Variants in PLPPR1 observed in about 807,000 individuals in gnomAD.
PLPPR1 encodes phospholipid phosphatase-related protein type 1.
A neutral mutation model predicts 33.1 loss-of-function variants in PLPPR1; 10 were observed. That is an observed-to-expected ratio of 0.30 (90% CI 0.19 to 0.51). PLPPR1 has a LOEUF of 0.51. Among genes scored for constraint, PLPPR1 ranks in the 20% least tolerant of loss-of-function variants. The pLI is 0.97. For missense variants in PLPPR1, 304 were observed against 408.1 expected (o/e 0.74, Z 2.20); for synonymous variants, 151 against 151.0 (o/e 1.00, Z 0.00).
chr9:101,063,447 A>G (rs985506494), intron 1 of PLPPR1, among the ~76,000 whole-genome samples: 1 of 152,106 alleles, frequency 6.6e-6, no homozygotes, highest in Non-Finnish European at 1.5e-5. Context: ...GCTATTGGCC[A>G]AGATTCAGTC....
chr9:101,242,608 C>G (rs1373627697), intron 2 of PLPPR1, among the ~76,000 whole-genome samples: 1 of 151,950 alleles, frequency 6.6e-6, no homozygotes, highest in East Asian at 1.9e-4. Flanking sequence ...CAGCATCATA[C>G]CAAGTATTCT....
intron 1 of PLPPR1, among the ~76,000 whole-genome samples, chr9:101,130,648 C>G (rs1475838248): frequency 6.6e-6 from 1 of 152,136 alleles, no homozygotes; most frequent in African/African-American, 2.4e-5. Context: ...AAGCAACTAA[C>G]AAAGAATGAG....
intron 2 of PLPPR1, among the ~76,000 whole-genome samples, chr9:101,199,836 TC>T (rs1291184675): frequency 1.3e-5 from 2 of 152,206 alleles, no homozygotes; most frequent in Non-Finnish European, 2.9e-5. Flanking sequence ...TGATTGGAGT[TC>T]TTGTTAAAAT....
chr9:101,113,750 T>C (rs1831086325), intron 1 of PLPPR1, among the ~76,000 whole-genome samples: 1 of 152,082 alleles, frequency 6.6e-6, no homozygotes, highest in Admixed American at 6.5e-5. Context: ...AACTCCTGCA[T>C]TGTTGATAGA....
intron 1 of PLPPR1, among the ~76,000 whole-genome samples, chr9:101,065,695 A>T (rs1355994869): frequency 2.0e-5 from 3 of 152,110 alleles, no homozygotes; most frequent in Admixed American, 6.6e-5. Context: ...AAGTTCCAAA[A>T]TACGCAGGAA....
At chr9:101,200,240 T>A (rs577927153) in intron 2 of PLPPR1, among the ~76,000 whole-genome samples, 1 of 152,168 alleles carries the variant, frequency 6.6e-6, no homozygotes, top group Non-Finnish European at 1.5e-5. Context: ...TTTGATATAG[T>A]CTCTGAGAGG....
intron 2 of PLPPR1, among the ~76,000 whole-genome samples, chr9:101,238,346 G>C (rs1827373771): frequency 1.2e-5 from 1 of 83,116 alleles, no homozygotes; most frequent in African/African-American, 6.2e-5. Flanking sequence ...TCTATATATA[G>C]AGGTGTATAT....
intron 4 of PLPPR1, among the ~76,000 whole-genome samples, chr9:101,295,067 A>C (rs1271061540): frequency 6.6e-6 from 1 of 152,222 alleles, no homozygotes; most frequent in African/African-American, 2.4e-5. Flanking sequence ...GTGTCAGCCC[A>C]AAATCTCCTT....
intron 2 of PLPPR1, among the ~76,000 whole-genome samples, chr9:101,212,924 T>C (rs1826715838): frequency 6.6e-6 from 1 of 152,200 alleles, no homozygotes; most frequent in Non-Finnish European, 1.5e-5. Context: ...TTTTATTTCT[T>C]TTATGCCAGT....
rs141072247 is a variant in PLPPR1, at chr9:101,097,381, G to C, written c.-46+68279G>C. On this transcript the variant is annotated intron_variant, in intron 1 of 7. Coordinates refer to ENST00000374874, the MANE Select transcript of PLPPR1 (RefSeq NM_207299.2). ...CTAAGTGAACATGTTAACATTTAAGGGACAAATGTATCACCCAAACAAGTA... is the reference window on the plus strand; with the variant it reads ...CTAAGTGAACATGTTAACATTTAAGCGACAAATGTATCACCCAAACAAGTA... 3.9e-4 allele frequency among the ~76,000 whole-genome samples: 59 copies of C among 152,240 alleles called. 1 individual carries two copies. Among genetic ancestry groups the C allele is most frequent in the African/African-American group, 1.4e-3 (58 of 41,550 alleles).
chr9:101,283,432 TTG>T (rs1816454737), intron 3 of PLPPR1, among the ~76,000 whole-genome samples: 1 of 152,206 alleles, frequency 6.6e-6, no homozygotes, highest in African/African-American at 2.4e-5. Flanking sequence ...CATTAATAAA[TTG>T]TGTTAGGAAA....
chr9:101,140,548 T>C (rs451471), intron 1 of PLPPR1, among the ~76,000 whole-genome samples: 72,341 of 152,044 alleles, frequency 0.48, 17,776 homozygotes, highest in Non-Finnish European at 0.54. Flanking sequence ...CTTTCCCCCA[T>C]TTAAATAGCT....
At chr9:101,271,132 G>C (rs992469206) in intron 3 of PLPPR1, among the ~76,000 whole-genome samples, 5 of 152,144 alleles carry the variant, frequency 3.3e-5, no homozygotes, top group Non-Finnish European at 7.3e-5. Flanking sequence ...TGATAGGACT[G>C]TGCTGTAAGG....
chr9:101,051,425 G>A (rs572896205), intron 1 of PLPPR1, among the ~76,000 whole-genome samples: 1 of 152,138 alleles, frequency 6.6e-6, no homozygotes, highest in East Asian at 1.9e-4. Flanking sequence ...CCAATAGTAA[G>A]CCCCAGACTT....
intron 1 of PLPPR1, among the ~76,000 whole-genome samples, chr9:101,120,977 A>T (rs997880688): frequency 2.0e-5 from 3 of 152,190 alleles, no homozygotes; most frequent in African/African-American, 7.2e-5. Context: ...CTAAAGATTG[A>T]TGGGGCTGAT....
intron 1 of PLPPR1, among the ~76,000 whole-genome samples, chr9:101,080,590 A>G (rs1249528251): frequency 6.6e-6 from 1 of 152,158 alleles, no homozygotes; most frequent in East Asian, 1.9e-4. Context: ...CAACAACCAA[A>G]CAACAAAAAT....
chr9:101,220,364 T>A (rs1260574547), intron 2 of PLPPR1, among the ~76,000 whole-genome samples: 1 of 152,208 alleles, frequency 6.6e-6, no homozygotes, highest in Non-Finnish European at 1.5e-5. Flanking sequence ...TGTTATTAAA[T>A]CCTTTCTTTC....
intron 1 of PLPPR1, among the ~76,000 whole-genome samples, chr9:101,123,716 G>A (rs1831205395): frequency 6.6e-6 from 1 of 152,144 alleles, no homozygotes. Flanking sequence ...ATAATGGAGA[G>A]CAAGTTCTTT....
intron 1 of PLPPR1, among the ~76,000 whole-genome samples, chr9:101,042,913 T>C (rs761661904): frequency 7.7e-4 from 118 of 152,322 alleles, no homozygotes; most frequent in Non-Finnish European, 1.2e-3. Context: ...CCAGAGCTGC[T>C]TTCCCTTTGC....
Sources: allele counts gnomAD v4.1 joint callset (sites outside exome capture counted in the v4.1 genomes callset), GRCh38; gene constraint gnomAD v4.1.1; transcripts MANE v1.5; gene names NCBI Gene and HGNC (gene_info 2026-07-23, HGNC 2026-07-21).